MC2R: variants seen among roughly 807,000 people sequenced by gnomAD.
MC2R encodes the protein adrenocorticotropic hormone receptor.
MC2R carries 9 observed loss-of-function variants against 9.8 expected under a neutral mutation model. The ratio of observed to expected loss-of-function variants is 0.92; its 90% CI spans 0.55 to 1.60. The LOEUF is 1.60. Ranked by LOEUF, MC2R falls within the 40% of genes most tolerant of loss-of-function variation. The pLI, the probability that MC2R is intolerant of heterozygous loss-of-function variation, is 0.00. For missense variants in MC2R, 370 were observed against 389.0 expected (o/e 0.95, Z 0.41); for synonymous variants, 185 against 154.7 (o/e 1.20, Z -1.45).
At chr18:13,907,576 T>C (rs1247563569) in intron 1 of MC2R, among the ~76,000 whole-genome samples, 2 of 152,066 alleles carry the variant, frequency 1.3e-5, no homozygotes, top group African/African-American at 4.8e-5. Context: ...ATCAACAAAG[T>C]GAAGAGACAA....
rs28926185 is a variant in MC2R, at chr18:13,883,021, C to T, written c.*1604G>A. The stretch of plus-strand genomic sequence containing the variant: ...TGCCACTGTCCTCACTTGACTCCAG[C>T]TGCCTTGCCTCCTTTGCTTCTGAAG... On this transcript the variant is annotated 3_prime_UTR_variant, in exon 2 of 2. Transcript: ENST00000327606. 6.6e-6 allele frequency: 1 copy of T among 152,318 alleles called. No individual in the cohort carries two copies. Among genetic ancestry groups the T allele is most frequent in the Non-Finnish European group, 1.5e-5 (1 of 68,126 alleles). 9.4% of individuals were successfully genotyped at this position (152,318 alleles called of 1,614,324 possible). A position where few individuals can be genotyped will look rare whatever the true frequency, so the allele number is the denominator to read the frequency against.
intron 1 of MC2R, among the ~76,000 whole-genome samples, chr18:13,905,126 G>A (rs774417067): frequency 6.6e-6 from 1 of 152,088 alleles, no homozygotes; most frequent in Non-Finnish European, 1.5e-5. Flanking sequence ...TAAATTTTTT[G>A]CAATCTATCT....
Position 13,913,182 on chromosome 18 carries a change from C to G in MC2R, c.-129+2306G>C, listed in dbSNP as rs569960522. Among the ~76,000 whole-genome samples, 23 of 151,742 alleles carry G rather than the reference C, an allele frequency of 1.5e-4. No individual in the cohort carries two copies. The East Asian group carries it at 2.1e-3, about 14-fold the overall frequency. On this transcript the variant is annotated intron_variant, in intron 1 of 1. Transcript: ENST00000327606. ...CAGCTAGGGAGGCATGAAGCCCAGG[C>G]TGGAGTGTTCTGGTTGGAAATCAGT...
chr18:13,890,446 G>A (rs536948903), intron 1 of MC2R, among the ~76,000 whole-genome samples: 15 of 152,278 alleles, frequency 9.9e-5, no homozygotes, highest in Admixed American at 7.8e-4. Flanking sequence ...GGGCAGTCCT[G>A]TAATCCAGGC....
At chr18:13,912,057 A>G (rs896870000) in intron 1 of MC2R, among the ~76,000 whole-genome samples, 3 of 152,186 alleles carry the variant, frequency 2.0e-5, no homozygotes, top group African/African-American at 4.8e-5. Context: ...TTCATTCTGT[A>G]CTGTGTTGGG....
intron 1 of MC2R, among the ~76,000 whole-genome samples, chr18:13,905,076 A>C (rs977385770): frequency 6.6e-6 from 1 of 152,248 alleles, no homozygotes; most frequent in African/African-American, 2.4e-5. Flanking sequence ...ACAGCAAAAG[A>C]AACTATCATC....
Position 13,885,285 on chromosome 18 carries a change from G to A in MC2R, c.234C>T (p.Ile78=). The change falls in exon 2 of 2, where the codon ATC becomes ATT. Residue 78 remains isoleucine, a synonymous_variant. Transcript: ENST00000327606. ...ISDMLGSLYK[I]LENILIILRN... is the part of the protein sequence containing the mutation. ...TCAATATGATCAGGATATTTTCCAA[G>A]ATCTTATATAGGCTGCCCAGCATAT... 1 of 1,614,150 alleles carries A rather than the reference G, an allele frequency of 6.2e-7. No individual in the cohort carries two copies. The highest frequency in any genetic ancestry group is 8.5e-7 in the Non-Finnish European group (1 of 1,180,030).
chr18:13,911,956 C>A (rs932203616), intron 1 of MC2R, among the ~76,000 whole-genome samples: 31 of 152,058 alleles, frequency 2.0e-4, no homozygotes, highest in African/African-American at 6.3e-4. Flanking sequence ...GACAGGTGAG[C>A]CTTTGGTCAC....
At position 13,884,795 on chromosome 18, in the gene MC2R, T is replaced by C. The variant is rs746545903; in HGVS notation, c.724A>G (p.Met242Val). ...WAPFVLHVLL[M>V]TFCPSNPYCA... ...TAGGGGTTACTTGGGCAGAATGTCA[T>C]CAAGAGGACATGAAGCACAAAGGGG... Residue 242 changes from methionine (M) to valine (V), a missense_variant, in exon 2 of 2, where the codon ATG (methionine) becomes GTG (valine). Coordinates refer to ENST00000327606, the MANE Select transcript of MC2R (RefSeq NM_000529.2). 6.2e-7 allele frequency: 1 copy of C among 1,613,864 alleles called. No homozygotes were observed. Among genetic ancestry groups the C allele is most frequent in the Non-Finnish European group, 8.5e-7 (1 of 1,179,990 alleles).
At chr18:13,913,570 T>A (rs2149145053) in intron 1 of MC2R, among the ~76,000 whole-genome samples, 1 of 152,342 alleles carries the variant, frequency 6.6e-6, no homozygotes, top group Non-Finnish European at 1.5e-5. Flanking sequence ...TGGCGGCTCA[T>A]AGTCAGAGAA....
chr18:13,903,884 A>G (rs1407710375), intron 1 of MC2R, among the ~76,000 whole-genome samples: 1 of 152,142 alleles, frequency 6.6e-6, no homozygotes, highest in Non-Finnish European at 1.5e-5. Flanking sequence ...GAGGATGAAA[A>G]TGCAGTTTTA....
At chr18:13,895,170 C>A (rs569182966) in intron 1 of MC2R, among the ~76,000 whole-genome samples, 20 of 152,280 alleles carry the variant, frequency 1.3e-4, no homozygotes, top group African/African-American at 4.6e-4. Context: ...TGATTCACAG[C>A]CTGTGCTTCT....
At chr18:13,890,985 C>T (rs1024583251) in intron 1 of MC2R, among the ~76,000 whole-genome samples, 7 of 152,262 alleles carry the variant, frequency 4.6e-5, no homozygotes, top group East Asian at 1.9e-4. Context: ...TTGAGTAGGG[C>T]GGGTCTCAGA....
chr18:13,893,695 G>A lies in MC2R; in HGVS notation c.-128-8049C>T, dbSNP rs191462002. Among the ~76,000 whole-genome samples the A allele has an allele frequency of 5.3e-5, 8 of 152,286 alleles. No homozygotes were observed. In the East Asian group the frequency reaches 1.4e-3, roughly 26 times the overall value. On this transcript the variant is annotated intron_variant, in intron 1 of 1. Transcript: ENST00000327606. Reference sequence around the variant, plus strand: ...TTGCTTGCTGGCTAGAGGGAAGCTCGACTGAAATCAATAACAAAAGAGAAG... The same window carrying A: ...TTGCTTGCTGGCTAGAGGGAAGCTCAACTGAAATCAATAACAAAAGAGAAG...
intron 1 of MC2R, among the ~76,000 whole-genome samples, chr18:13,898,304 G>T (rs183436370): frequency 1.3e-5 from 2 of 152,300 alleles, no homozygotes; most frequent in Non-Finnish European, 2.9e-5. Flanking sequence ...GGAAAGAGAC[G>T]GGTGAGTGGG....
chr18:13,893,072 G>A (rs1165878438), intron 1 of MC2R, among the ~76,000 whole-genome samples: 1 of 152,228 alleles, frequency 6.6e-6, no homozygotes, highest in Non-Finnish European at 1.5e-5. Context: ...TTCATGTGCA[G>A]TGAACTATTT....
chr18:13,894,296 TG>T (rs2045334234), intron 1 of MC2R, among the ~76,000 whole-genome samples: 1 of 152,224 alleles, frequency 6.6e-6, no homozygotes, highest in Admixed American at 6.5e-5. Flanking sequence ...GGCGATCTTT[TG>T]GGTATTACTA....
intron 1 of MC2R, among the ~76,000 whole-genome samples, chr18:13,905,340 G>A (rs1390509634): frequency 6.6e-6 from 1 of 152,060 alleles, no homozygotes; most frequent in East Asian, 1.9e-4. Context: ...ACAAAAATTA[G>A]CTGGGCTTCG....
At chr18:13,902,093 T>C (rs1327436100) in intron 1 of MC2R, among the ~76,000 whole-genome samples, 1 of 144,070 alleles carries the variant, frequency 6.9e-6, no homozygotes, top group Non-Finnish European at 1.5e-5. Context: ...GCTTAACATA[T>C]GCAACCAATG....
Sources: allele counts gnomAD v4.1 joint callset (sites outside exome capture counted in the v4.1 genomes callset), GRCh38; gene constraint gnomAD v4.1.1; transcripts MANE v1.5; gene names NCBI Gene and HGNC (gene_info 2026-07-23, HGNC 2026-07-21).